The following KATNIP variants were observed in gnomAD, a reference collection of about 807,000 sequenced individuals.
KATNIP encodes katanin interacting protein.
Under a neutral mutation model 174.0 loss-of-function variants are expected in KATNIP, and 126 were observed. That is an observed-to-expected ratio of 0.72 (90% CI 0.63 to 0.84). The LOEUF is 0.84. Ranked by LOEUF, KATNIP falls within the 40% of genes least tolerant of loss-of-function variation. The pLI, the probability that KATNIP is intolerant of heterozygous loss-of-function variation, is 0.00. For missense variants in KATNIP, 1,958 were observed against 2,109.7 expected (o/e 0.93, Z 1.41); for synonymous variants, 810 against 835.7 (o/e 0.97, Z 0.53).
intron 13 of KATNIP, among the ~76,000 whole-genome samples, chr16:27,712,392 T>C (rs774914217): frequency 1.3e-5 from 2 of 152,148 alleles, no homozygotes; most frequent in Non-Finnish European, 2.9e-5. Context: ...CACAGCCTGG[T>C]GCATCGCCTC....
intron 4 of KATNIP, 122 bp from the exon 5 acceptor site, chr16:27,630,943 T>A: frequency 7.0e-6 from 5 of 709,398 alleles, no homozygotes; most frequent in Non-Finnish European, 1.2e-5. Flanking sequence ...GTAGTCAATG[T>A]CCTCATACAC....
At chr16:27,731,726 C>T (rs969464515) in intron 14 of KATNIP, among the ~76,000 whole-genome samples, 6 of 151,884 alleles carry the variant, frequency 4.0e-5, no homozygotes, top group Admixed American at 1.3e-4. Context: ...TCAAGCGATT[C>T]TCCTGCCTCA....
At position 27,637,953 on chromosome 16, in the gene KATNIP, C is replaced by T. The variant is rs1241215366; in HGVS notation, c.408+6791C>T. On this transcript the variant is annotated intron_variant, in intron 5 of 27. Transcript: ENST00000261588. The surrounding 1 kb of genome is among the most constrained non-coding windows in gnomAD (Gnocchi z 4.7). Reference sequence around the variant, plus strand: ...TCTCTCCACCAACCTTCCCCAGCCCCCGTCCTTGCACTTCTGTTCCCTGTC... The same window carrying T: ...TCTCTCCACCAACCTTCCCCAGCCCTCGTCCTTGCACTTCTGTTCCCTGTC... Among the ~76,000 whole-genome samples the T allele has an allele frequency of 6.6e-6, 1 of 152,220 alleles. No individual in the cohort carries two copies. The highest frequency in any genetic ancestry group is 1.5e-5 in the Non-Finnish European group (1 of 68,038).
Position 27,751,756 on chromosome 16 carries a change from C to A in KATNIP, c.3384C>A (p.Thr1128=). Residue 1128 remains threonine, a synonymous_variant, in exon 17 of 28, where the codon ACC becomes ACA. Transcript: ENST00000261588. ...EHFGDTILFT[T]DDDILEAIFY... The stretch of plus-strand genomic sequence containing the variant: ...TTGGAGACACGATCTTATTCACAAC[C>A]GATGATGACATTCTCGAGGCCATAT... The A allele has an allele frequency of 1.2e-6, 2 of 1,614,166 alleles. No homozygotes were observed. The highest frequency in any genetic ancestry group is 1.7e-6 in the Non-Finnish European group (2 of 1,180,040).
intron 14 of KATNIP, among the ~76,000 whole-genome samples, chr16:27,723,988 C>G (rs1408156161): frequency 2.6e-5 from 4 of 152,226 alleles, no homozygotes; most frequent in Non-Finnish European, 5.9e-5. Context: ...ACAGTGCTGC[C>G]CAGAGCTTTC....
intron 6 of KATNIP, among the ~76,000 whole-genome samples, chr16:27,652,425 G>A (rs574922236): frequency 1.3e-5 from 2 of 152,302 alleles, no homozygotes; most frequent in South Asian, 4.2e-4. Context: ...GGAAGACACC[G>A]CTTTCCAGAG....
chr16:27,707,245 A>T (rs766087773), intron 12 of KATNIP, among the ~76,000 whole-genome samples: 14 of 152,204 alleles, frequency 9.2e-5, no homozygotes, highest in Non-Finnish European at 1.9e-4. Flanking sequence ...AACAGAGGGC[A>T]TGTGCACATG....
intron 6 of KATNIP, among the ~76,000 whole-genome samples, chr16:27,665,131 T>C (rs1253942820): frequency 6.6e-6 from 1 of 151,748 alleles, no homozygotes; most frequent in Admixed American, 6.6e-5. Context: ...AGGTTGTTTT[T>C]TTTTTTTTTT....
chr16:27,634,133 T>C (rs1425857606), intron 5 of KATNIP, among the ~76,000 whole-genome samples: 3 of 152,356 alleles, frequency 2.0e-5, no homozygotes, highest in African/African-American at 7.2e-5. Flanking sequence ...CCCTAGAGTC[T>C]GTGCAATTTA....
At position 27,723,507 on chromosome 16, in the gene KATNIP, C is replaced by T. The variant is rs560425752; in HGVS notation, c.1743+1812C>T. 2.0e-5 allele frequency among the ~76,000 whole-genome samples: 3 copies of T among 152,120 alleles called. No homozygotes were observed. In the South Asian group the frequency reaches 6.2e-4, roughly 32 times the overall value. On this transcript the variant is annotated intron_variant, in intron 14 of 27. Transcript: ENST00000261588. ...CCTGCCCCTTGCGCTTCTCTGGGAC[C>T]TCATGAACATGTTCCACCATCTCCT...
intron 5 of KATNIP, among the ~76,000 whole-genome samples, chr16:27,633,625 T>G (rs910237789): frequency 1.4e-4 from 22 of 152,144 alleles, no homozygotes; most frequent in African/African-American, 5.1e-4. Flanking sequence ...TCACCAATAT[T>G]GGGAACTACT....
At chr16:27,746,574 C>T (rs756632583) in intron 15 of KATNIP, among the ~76,000 whole-genome samples, 10 of 152,218 alleles carry the variant, frequency 6.6e-5, no homozygotes, top group Non-Finnish European at 1.3e-4. Flanking sequence ...GGCATTTCCA[C>T]ACACCAGGAG....
rs771253830 is a variant in KATNIP at position 27,777,733 on chromosome 16, A to G, written c.4675A>G (p.Arg1559Gly). 1 of 1,614,076 alleles carries G rather than the reference A, an allele frequency of 6.2e-7. No individual in the cohort carries two copies. Among genetic ancestry groups the G allele is most frequent in the Non-Finnish European group, 8.5e-7 (1 of 1,179,960 alleles). ...PYHTILFTED[R>G]DIRHQEKHTT... ...CCACACCATCCTCTTCACCGAGGAC[A>G]GGGACATCCGCCACCAGGAGAAACA... Residue 1559 changes from arginine (R) to glycine (G), a missense_variant, in exon 26 of 28, where the codon AGG (arginine) becomes GGG (glycine). Coordinates refer to ENST00000261588, the MANE Select transcript of KATNIP (RefSeq NM_015202.5). The surrounding 1 kb of genome is among the most constrained non-coding windows in gnomAD (Gnocchi z 4.4).
At chr16:27,558,413 G>A (rs2089717666) in intron 1 of KATNIP, among the ~76,000 whole-genome samples, 1 of 152,100 alleles carries the variant, frequency 6.6e-6, no homozygotes, top group Non-Finnish European at 1.5e-5. Context: ...CCAAAATGCT[G>A]GGATTACAGG....
chr16:27,616,945 A>G lies in KATNIP; in HGVS notation c.64-1480A>G, dbSNP rs563454486. 5.7e-5 allele frequency among the ~76,000 whole-genome samples: 8 copies of G among 140,258 alleles called. No individual in the cohort carries two copies. In the East Asian group the frequency reaches 1.8e-3, roughly 32 times the overall value. The allele number at this position is 140,258 out of a possible 152,430, so 92.0% of individuals were successfully genotyped here. ...AAAAAATGCTTTTTAAAGAGTATATATGTGTTTATATGTAGATATGTATCT... is the reference window on the plus strand; with the variant it reads ...AAAAAATGCTTTTTAAAGAGTATATGTGTGTTTATATGTAGATATGTATCT... On this transcript the variant is annotated intron_variant, in intron 2 of 27. Transcript: ENST00000261588.
intron 13 of KATNIP, among the ~76,000 whole-genome samples, chr16:27,717,662 G>A (rs547568168): frequency 1.3e-5 from 2 of 152,314 alleles, no homozygotes; most frequent in South Asian, 4.1e-4. Context: ...GAGTAGATAT[G>A]TCAGTGCCTG....
chr16:27,695,419 G>A (rs1200166347), intron 8 of KATNIP, among the ~76,000 whole-genome samples: 2 of 152,180 alleles, frequency 1.3e-5, no homozygotes, highest in East Asian at 1.9e-4. Flanking sequence ...GCTGCTCAGA[G>A]AACACATCAC....
chr16:27,729,152 G>A (rs555212609), intron 14 of KATNIP, among the ~76,000 whole-genome samples: 5 of 152,310 alleles, frequency 3.3e-5, no homozygotes, highest in Admixed American at 2.0e-4. Context: ...AAGAGAAGAC[G>A]CTGGGTGGCT....
intron 12 of KATNIP, among the ~76,000 whole-genome samples, chr16:27,707,622 T>G (rs2079374029): frequency 6.6e-6 from 1 of 152,250 alleles, no homozygotes; most frequent in African/African-American, 2.4e-5. Context: ...TTACCTACTA[T>G]ATCAGTCCAC....
Sources: gnomAD v4.1 joint callset for allele counts (sites outside exome capture counted in the v4.1 genomes callset) on GRCh38, gnomAD v4.1.1 for gene constraint, Gnocchi (gnomAD v3.1) non-coding constraint, MANE v1.5 for transcripts, NCBI Gene and HGNC (gene_info 2026-07-23, HGNC 2026-07-21) for gene names.